IL1RL2: variants seen among roughly 807,000 people sequenced by gnomAD.
IL1RL2 encodes the protein interleukin 1 receptor like 2, also known as interleukin-1 receptor-like 2.
A neutral mutation model predicts 66.8 loss-of-function variants in IL1RL2; 68 were observed. That is an observed-to-expected ratio of 1.02 (90% CI 0.84 to 1.25). IL1RL2 has a LOEUF of 1.25. IL1RL2 is among the 50% of genes most tolerant of loss of function. The pLI is 0.00. For synonymous variants in IL1RL2, 305 were observed against 264.6 expected, an observed-to-expected ratio of 1.15 and a Z score of -1.48; for missense variants, 729 against 709.3, an observed-to-expected ratio of 1.03 and a Z score of -0.32.
chr2:102,224,387 A>G (rs1488013539), intron 8 of IL1RL2, among the ~76,000 whole-genome samples: 5 of 152,376 alleles, frequency 3.3e-5, no homozygotes, highest in Middle Eastern at 3.4e-3. Flanking sequence ...TTATTCATCC[A>G]TAAAAGAGAA....
chr2:102,197,782 G>C (rs1162816596), intron 4 of IL1RL2, among the ~76,000 whole-genome samples: 3 of 152,196 alleles, frequency 2.0e-5, no homozygotes, highest in African/African-American at 7.2e-5. Context: ...CACTTTATTT[G>C]TTGGGGTGGC....
At chr2:102,228,701 A>G (rs1690855522) in intron 9 of IL1RL2, among the ~76,000 whole-genome samples, 1 of 152,244 alleles carries the variant, frequency 6.6e-6, no homozygotes, top group Non-Finnish European at 1.5e-5. Context: ...CAAGGGGACA[A>G]TGGGAAAACA....
At chr2:102,232,597 T>C (rs1298849734) in intron 9 of IL1RL2, among the ~76,000 whole-genome samples, 2 of 152,234 alleles carry the variant, frequency 1.3e-5, no homozygotes, top group African/African-American at 2.4e-5. Flanking sequence ...ATTACAGCCA[T>C]GCACCACTGC....
chr2:102,212,697 G>C (rs188138040), intron 6 of IL1RL2, among the ~76,000 whole-genome samples: 1 of 152,134 alleles, frequency 6.6e-6, no homozygotes, highest in Non-Finnish European at 1.5e-5. Flanking sequence ...GGCCAGGCAC[G>C]GTGGCTCACG....
chr2:102,192,351 C>T (rs550646305), intron 4 of IL1RL2, among the ~76,000 whole-genome samples: 2 of 152,264 alleles, frequency 1.3e-5, no homozygotes, highest in South Asian at 4.2e-4. Context: ...CCACCTTCCT[C>T]CAGTTATTCT....
chr2:102,229,889 A>C (rs1244080408), intron 9 of IL1RL2, among the ~76,000 whole-genome samples: 1 of 152,224 alleles, frequency 6.6e-6, no homozygotes, highest in Non-Finnish European at 1.5e-5. Flanking sequence ...ATCCTCAGAC[A>C]CCTTGTTTAG....
rs562443371 is a variant in IL1RL2, at chr2:102,233,176, C to T, written c.1297+52C>T. 53 of 1,527,938 alleles carry T rather than the reference C, an allele frequency of 3.5e-5. No homozygotes were observed. The African/African-American group carries it at 7.0e-4, about 20-fold the overall frequency. 94.6% of individuals were successfully genotyped at this position (1,527,938 alleles called of 1,614,324 possible). ...AACAAATAAAAGAAGGAAAGCGACC[C>T]CTCTGTTCCTCCACTTTACTAATGG... On this transcript the variant is annotated intron_variant, in intron 10 of 11. Coordinates refer to ENST00000264257, the MANE Select transcript of IL1RL2 (RefSeq NM_003854.4).
chr2:102,221,894 G>A (rs1690171901), intron 8 of IL1RL2, among the ~76,000 whole-genome samples: 1 of 152,120 alleles, frequency 6.6e-6, no homozygotes, highest in African/African-American at 2.4e-5. Context: ...GCACATATAT[G>A]GTAAAGGAAC....
chr2:102,202,208 T>G (rs1688320587), intron 5 of IL1RL2, among the ~76,000 whole-genome samples: 1 of 152,104 alleles, frequency 6.6e-6, no homozygotes, highest in Non-Finnish European at 1.5e-5. Context: ...CAGCCAGCTC[T>G]CTTGAACATA....
intron 9 of IL1RL2, among the ~76,000 whole-genome samples, chr2:102,226,275 A>C (rs1690603343): frequency 6.6e-6 from 1 of 152,210 alleles, no homozygotes; most frequent in African/African-American, 2.4e-5. Flanking sequence ...GCTAAGCTGC[A>C]GGAGGAGATC....
intron 4 of IL1RL2, among the ~76,000 whole-genome samples, chr2:102,193,734 G>T (rs559722104): frequency 3.9e-5 from 6 of 152,268 alleles, no homozygotes; most frequent in South Asian, 2.1e-4. Flanking sequence ...AGTTTGGTGG[G>T]TATAAAATGT....
chr2:102,187,206 C>T, intron 1 of IL1RL2, 120 bp downstream of exon 1: 1 of 1,217,984 alleles, frequency 8.2e-7, no homozygotes, highest in South Asian at 1.4e-5. Context: ...GATCAGGCCC[C>T]CCAGGCCGGC....
chr2:102,226,534 C>T (rs1690633028), intron 9 of IL1RL2, among the ~76,000 whole-genome samples: 1 of 152,020 alleles, frequency 6.6e-6, no homozygotes, highest in East Asian at 1.9e-4. Flanking sequence ...GAGATCAAAC[C>T]AAGTTTGAAT....
intron 11 of IL1RL2, 50 bp from the exon 12 acceptor site, chr2:102,239,142 C>A (rs768747947): frequency 3.8e-6 from 6 of 1,559,458 alleles, no homozygotes; most frequent in Non-Finnish European, 2.7e-6. Flanking sequence ...TATCAGCCCC[C>A]ATCTCCCACC....
At chr2:102,195,615 TTCTTTCTTTCTTTCTCTC>T (rs1299432168) in intron 4 of IL1RL2, among the ~76,000 whole-genome samples, 1 of 16,194 alleles carries the variant, frequency 6.2e-5, no homozygotes, top group African/African-American at 1.6e-4. Flanking sequence ...CTTTCTTTCT[TTCTTTCTTTCTTTCTCTC>T]TCTCTCTCTC....
At chr2:102,222,143 A>G (rs921227887) in intron 8 of IL1RL2, among the ~76,000 whole-genome samples, 2 of 152,222 alleles carry the variant, frequency 1.3e-5, no homozygotes, top group African/African-American at 4.8e-5. Flanking sequence ...TAAGAGAAGT[A>G]TATAGTATGC....
chr2:102,219,384 A>C (rs1689896802), intron 7 of IL1RL2, among the ~76,000 whole-genome samples: 1 of 152,238 alleles, frequency 6.6e-6, no homozygotes, highest in Admixed American at 6.5e-5. Context: ...AAATGACACA[A>C]ATGTGTATAT....
chr2:102,229,850 C>A (rs1318468799), intron 9 of IL1RL2, among the ~76,000 whole-genome samples: 1 of 152,176 alleles, frequency 6.6e-6, no homozygotes, highest in Non-Finnish European at 1.5e-5. Context: ...GTCTTCTGAT[C>A]CTGAAGTTGG....
At chr2:102,229,201 A>G (rs1371811515) in intron 9 of IL1RL2, among the ~76,000 whole-genome samples, 2 of 152,244 alleles carry the variant, frequency 1.3e-5, no homozygotes, top group Admixed American at 1.3e-4. Context: ...GAGCTTTTAT[A>G]TATTATTGCC....
Sources: allele counts gnomAD v4.1 joint callset (sites outside exome capture counted in the v4.1 genomes callset), GRCh38; gene constraint gnomAD v4.1.1; transcripts MANE v1.5; gene names NCBI Gene and HGNC (gene_info 2026-07-23, HGNC 2026-07-21).